TFDP2: variants seen among roughly 807,000 people sequenced by gnomAD.
TFDP2 encodes the protein transcription factor Dp-2.
In TFDP2, 17 loss-of-function variants were observed where a neutral mutation model predicts 59.3. The observed-to-expected ratio is 0.29, with a 90% CI of 0.20 to 0.43. The LOEUF (loss-of-function observed/expected upper bound fraction) is 0.43. Among genes scored for constraint, TFDP2 ranks in the 20% least tolerant of loss-of-function variants. TFDP2 has a pLI of 1.00. For synonymous variants in TFDP2, 180 were observed against 194.7 expected (o/e 0.92, Z 0.63); for missense variants, 391 against 528.8 (o/e 0.74, Z 2.56).
intron 1 of TFDP2, among the ~76,000 whole-genome samples, chr3:142,105,740 C>T (rs573869641): frequency 6.6e-6 from 1 of 152,318 alleles, no homozygotes; most frequent in South Asian, 2.1e-4. Flanking sequence ...TGACTCTCCA[C>T]ACCAGAGTAC....
At position 142,079,259 on chromosome 3, in the gene TFDP2, C is replaced by T. The variant is rs548386747; in HGVS notation, c.82+13802G>A. Among the ~76,000 whole-genome samples, 14 of 151,972 alleles carry T rather than the reference C, an allele frequency of 9.2e-5. No individual in the cohort carries two copies. The East Asian group carries it at 2.5e-3, about 27-fold the overall frequency. On this transcript the variant is annotated intron_variant, in intron 3 of 12. Transcript: ENST00000489671. ...CAGAGGTTTCAGTGAGCTGAGATTG[C>T]GCCATTGCACTCCAGCCTAGGTGAC...
chr3:142,134,400 A>T (rs1188591480), intron 1 of TFDP2, among the ~76,000 whole-genome samples: 1 of 152,098 alleles, frequency 6.6e-6, no homozygotes, highest in Admixed American at 6.5e-5. Flanking sequence ...CCTATTTCAG[A>T]CATGAAAATT....
chr3:141,965,585 G>A (rs1215495282), intron 9 of TFDP2, among the ~76,000 whole-genome samples: 1 of 144,856 alleles, frequency 6.9e-6, no homozygotes, highest in African/African-American at 2.6e-5. Context: ...GGAAGGGGAA[G>A]GAAAGGGGAA....
intron 9 of TFDP2, among the ~76,000 whole-genome samples, chr3:141,967,288 G>GTTTT (rs200530270): frequency 6.9e-6 from 1 of 145,314 alleles, no homozygotes; most frequent in Non-Finnish European, 1.5e-5. Context: ...GAGGAAATAA[G>GTTTT]TTTTTTGTTT....
At chr3:142,010,939 A>T (rs1440922473) in intron 3 of TFDP2, among the ~76,000 whole-genome samples, 1 of 115,060 alleles carries the variant, frequency 8.7e-6, no homozygotes, top group Non-Finnish European at 1.8e-5. Context: ...GTCAGGAAAC[A>T]ACAGGTGCTG....
At position 142,117,217 on chromosome 3, in the gene TFDP2, G is replaced by A. The variant is rs188140993; in HGVS notation, c.-92-15376C>T. On this transcript the variant is annotated intron_variant, in intron 1 of 12. Transcript: ENST00000489671. ...ATTACAGGCATGAGCCACTGCACCCGGCCCGAAAAAGATTTTTGAACCTTT... is the reference window on the plus strand; with the variant it reads ...ATTACAGGCATGAGCCACTGCACCCAGCCCGAAAAAGATTTTTGAACCTTT... Among the ~76,000 whole-genome samples the A allele has an allele frequency of 1.9e-4, 29 of 152,106 alleles. No homozygotes were observed. The East Asian group carries it at 3.9e-3, about 20-fold the overall frequency.
At chr3:142,039,359 T>C (rs917636753) in intron 3 of TFDP2, among the ~76,000 whole-genome samples, 3 of 152,216 alleles carry the variant, frequency 2.0e-5, no homozygotes, top group Non-Finnish European at 2.9e-5. Flanking sequence ...GGCTATGTTT[T>C]GTTCCTGATG....
chr3:142,073,943 A>T (rs2060350989), intron 3 of TFDP2, among the ~76,000 whole-genome samples: 1 of 152,246 alleles, frequency 6.6e-6, no homozygotes, highest in Non-Finnish European at 1.5e-5. Flanking sequence ...AGAAAAGCTG[A>T]TCCCCAAACT....
intron 4 of TFDP2, among the ~76,000 whole-genome samples, chr3:142,001,545 T>C (rs77690894): frequency 0.07 from 10,659 of 152,314 alleles, 479 homozygotes; most frequent in Non-Finnish European, 0.11. Flanking sequence ...CTTCCACCCA[T>C]GCACGCTAAT....
chr3:142,055,941 C>CTTTTTT (rs529693273), intron 3 of TFDP2, among the ~76,000 whole-genome samples: 1 of 70,186 alleles, frequency 1.4e-5, no homozygotes, highest in Non-Finnish European at 2.3e-5. Context: ...TATTAAGTAC[C>CTTTTTT]TTTTTTTTTT....
chr3:142,042,630 CTTTTTTTT>C (rs66981475), intron 3 of TFDP2, among the ~76,000 whole-genome samples: 3 of 108,222 alleles, frequency 2.8e-5, no homozygotes, highest in African/African-American at 6.7e-5. Flanking sequence ...CTTTTCTTTT[CTTTTTTTT>C]TTTTTTTTTT....
chr3:142,037,332 C>T (rs1946736509), intron 3 of TFDP2, among the ~76,000 whole-genome samples: 1 of 152,054 alleles, frequency 6.6e-6, no homozygotes. Flanking sequence ...AATACAAAAA[C>T]ATCATCAACT....
At chr3:141,968,246 ATATAT>A (rs1430115849) in intron 9 of TFDP2, among the ~76,000 whole-genome samples, 1 of 137,876 alleles carries the variant, frequency 7.3e-6, no homozygotes, top group Non-Finnish European at 1.5e-5. Flanking sequence ...ATTATTATTT[ATATAT>A]TATATATTAT....
chr3:142,108,578 G>A (rs1179869935), intron 1 of TFDP2, among the ~76,000 whole-genome samples: 1 of 152,130 alleles, frequency 6.6e-6, no homozygotes, highest in Non-Finnish European at 1.5e-5. Context: ...CTTGACAGTT[G>A]TAAATTTCCT....
At chr3:142,069,494 T>C (rs1168137824) in intron 3 of TFDP2, among the ~76,000 whole-genome samples, 2 of 152,218 alleles carry the variant, frequency 1.3e-5, no homozygotes, top group Non-Finnish European at 2.9e-5. Flanking sequence ...AATTAATAAA[T>C]ATTGCAAATT....
rs202211578 is a variant in TFDP2 at position 142,096,307 on chromosome 3, C to CA, written c.16-3181dup. Among the ~76,000 whole-genome samples the CA allele has an allele frequency of 4.6e-3, 706 of 152,024 alleles. 6 individuals are homozygous for CA. The highest frequency in any genetic ancestry group is 0.016 in the African/African-American group (664 of 41,484). On this transcript the variant is annotated intron_variant, in intron 2 of 12. Transcript: ENST00000489671. ...CTATCATAAACATTTTGTAAAGATT[C>CA]AAAAAAACTGTATTATTTGAGAGTA...
chr3:142,123,864 C>T (rs374758076), intron 1 of TFDP2, among the ~76,000 whole-genome samples: 2 of 152,052 alleles, frequency 1.3e-5, no homozygotes, highest in Non-Finnish European at 2.9e-5. Context: ...AGCAGTAAAA[C>T]TATTATTATT....
At chr3:142,119,876 C>T (rs1263270977) in intron 1 of TFDP2, among the ~76,000 whole-genome samples, 3 of 151,892 alleles carry the variant, frequency 2.0e-5, no homozygotes, top group Admixed American at 2.0e-4. Flanking sequence ...TGGTGAAACC[C>T]TGTCTCTACT....
chr3:142,034,324 C>A (rs1364401886), intron 3 of TFDP2, among the ~76,000 whole-genome samples: 1 of 151,990 alleles, frequency 6.6e-6, no homozygotes, highest in Non-Finnish European at 1.5e-5. Flanking sequence ...GTCTAAAACT[C>A]CTGGCCTCAG....
Sources: gnomAD v4.1 joint callset for allele counts (sites outside exome capture counted in the v4.1 genomes callset) on GRCh38, gnomAD v4.1.1 for gene constraint, MANE v1.5 for transcripts, NCBI Gene and HGNC (gene_info 2026-07-23, HGNC 2026-07-21) for gene names.